The following COLEC11 variants were observed in gnomAD, a reference collection of about 807,000 sequenced individuals.
The protein encoded by COLEC11 is collectin subfamily member 11, also known as collectin-11.
A neutral mutation model predicts 27.3 loss-of-function variants in COLEC11; 20 were observed. The observed-to-expected ratio is 0.73, with a 90% confidence interval of 0.51 to 1.06. The LOEUF is 1.06. Ranked by LOEUF, COLEC11 falls within the 50% of genes least tolerant of loss-of-function variation. The pLI is 0.00. For missense variants in COLEC11, 310 were observed against 383.0 expected, an observed-to-expected ratio of 0.81 and a Z score of 1.59; for synonymous variants, 163 against 154.7, an observed-to-expected ratio of 1.05 and a Z score of -0.40.
At chr2:3,613,659 C>T (rs1459563775) in intron 3 of COLEC11, among the ~76,000 whole-genome samples, 3 of 152,164 alleles carry the variant, frequency 2.0e-5, no homozygotes, top group South Asian at 2.1e-4. Flanking sequence ...ATCTGTAAGA[C>T]GGGAATAACA....
At chr2:3,603,547 C>T in intron 1 of COLEC11, 1 of 1,129,854 alleles carries the variant, frequency 8.9e-7, no homozygotes, top group Non-Finnish European at 1.3e-6. Context: ...GAACTCCCGA[C>T]TTTAGGTGAT....
chr2:3,598,823 C>T (rs1040265390), intron 1 of COLEC11, among the ~76,000 whole-genome samples: 10 of 151,552 alleles, frequency 6.6e-5, no homozygotes, highest in Admixed American at 2.0e-4. Flanking sequence ...GAGTTGGGGC[C>T]GATTGTTCAA....
chr2:3,618,111 G>C (rs1046591840), intron 3 of COLEC11, among the ~76,000 whole-genome samples: 1 of 152,154 alleles, frequency 6.6e-6, no homozygotes, highest in African/African-American at 2.4e-5. Flanking sequence ...CAGATATATG[G>C]TTTGCAAATA....
chr2:3,606,275 G>A, intron 2 of COLEC11: 6 of 1,536,532 alleles, frequency 3.9e-6, no homozygotes, highest in Non-Finnish European at 5.3e-6. Flanking sequence ...GGGCCGTGGG[G>A]TGGGCTCCAG....
At chr2:3,599,502 T>C (rs1052283087) in intron 1 of COLEC11, among the ~76,000 whole-genome samples, 9 of 152,180 alleles carry the variant, frequency 5.9e-5, no homozygotes, top group Non-Finnish European at 1.3e-4. Context: ...GGAGCTGCCA[T>C]TTGGTGAGCA....
At chr2:3,622,230 A>C (rs1333298202) in intron 3 of COLEC11, among the ~76,000 whole-genome samples, 1 of 151,592 alleles carries the variant, frequency 6.6e-6, no homozygotes, top group Non-Finnish European at 1.5e-5. Flanking sequence ...GTCTCGGCTG[A>C]GGCAGGAGGA....
At chr2:3,613,976 C>CTTTTTTTTTTTTTTTTT (rs1461288131) in intron 3 of COLEC11, among the ~76,000 whole-genome samples, 8 of 91,320 alleles carry the variant, frequency 8.8e-5, no homozygotes, top group African/African-American at 2.4e-4. Flanking sequence ...TTCTTTCTTT[C>CTTTTTTTTTTTTTTTTT]TTTCTTTTTT....
intron 1 of COLEC11, among the ~76,000 whole-genome samples, chr2:3,596,950 G>A (rs1572372803): frequency 6.6e-6 from 1 of 152,242 alleles, no homozygotes; most frequent in East Asian, 1.9e-4. Flanking sequence ...GTCTGAGAGC[G>A]CCCCGCTGCA....
chr2:3,625,977 G>T, intron 3 of COLEC11: 2 of 1,555,092 alleles, frequency 1.3e-6, no homozygotes, highest in South Asian at 2.2e-5. Flanking sequence ...GAGTTGTCAG[G>T]CAGGGATAGT....
chr2:3,603,181 A>G (rs1039323517), intron 1 of COLEC11, among the ~76,000 whole-genome samples: 10 of 152,152 alleles, frequency 6.6e-5, no homozygotes, highest in Non-Finnish European at 1.5e-4. Flanking sequence ...GCTGTGCTCC[A>G]GGGCTGCTGT....
At chr2:3,595,657 G>A (rs2147834361) in intron 1 of COLEC11, among the ~76,000 whole-genome samples, 1 of 152,274 alleles carries the variant, frequency 6.6e-6, no homozygotes, top group Non-Finnish European at 1.5e-5. Flanking sequence ...GGGGAAAGGT[G>A]GGCCTTGCTT....
chr2:3,609,875 G>C (rs1663054929), intron 2 of COLEC11, among the ~76,000 whole-genome samples: 2 of 152,180 alleles, frequency 1.3e-5, no homozygotes, highest in Admixed American at 1.3e-4. Flanking sequence ...TGTTGCCCAG[G>C]CTGGTCTCAA....
chr2:3,602,545 A>G lies in COLEC11; in HGVS notation c.-26-1770A>G, dbSNP rs1662307493. Among the ~76,000 whole-genome samples the G allele has an allele frequency of 6.6e-6, 1 of 152,188 alleles. No individual in the cohort carries two copies. The highest frequency in any genetic ancestry group is 2.1e-4 in the South Asian group (1 of 4,828). On this transcript the variant is annotated intron_variant, in intron 1 of 6. Coordinates refer to ENST00000349077, the MANE Select transcript of COLEC11 (RefSeq NM_024027.5). This position sits in a 1 kb window ranked among gnomAD's most constrained non-coding sequence, Gnocchi z 6.2. Reference sequence around the variant, plus strand: ...TCACCTCCACCCACACGTGGGGTCCAGCTGCCATCCTCGCCCGCTGTGCTG... The same window carrying G: ...TCACCTCCACCCACACGTGGGGTCCGGCTGCCATCCTCGCCCGCTGTGCTG...
rs991000418 is a variant in COLEC11 at position 3,618,694 on chromosome 2, A to AT, written c.202+5321dup. On this transcript the variant is annotated intron_variant, in intron 3 of 6. Transcript: ENST00000349077. ...TTTATGGTTTTACATGAATTTTAGG[A>AT]TTTTTTTTTCCATTTCTCTGAAAAG... 7.3e-5 allele frequency among the ~76,000 whole-genome samples: 11 copies of AT among 151,602 alleles called. No homozygotes were observed. In the East Asian group the frequency reaches 1.4e-3, roughly 19 times the overall value.
intron 3 of COLEC11, among the ~76,000 whole-genome samples, chr2:3,633,643 C>T (rs115404927): frequency 1.8e-3 from 269 of 152,230 alleles, no homozygotes; most frequent in African/African-American, 6.2e-3. Context: ...GACGGGGGAG[C>T]GGCGTGAAGA....
At chr2:3,620,531 T>G (rs997817674) in intron 3 of COLEC11, among the ~76,000 whole-genome samples, 1 of 152,120 alleles carries the variant, frequency 6.6e-6, no homozygotes, top group African/African-American at 2.4e-5. Context: ...GCTTTTCTAG[T>G]CTCTCTTTGA....
At chr2:3,607,649 A>G (rs1255046769) in intron 2 of COLEC11, among the ~76,000 whole-genome samples, 2 of 151,980 alleles carry the variant, frequency 1.3e-5, no homozygotes, top group African/African-American at 4.8e-5. Flanking sequence ...GGGTTTCACC[A>G]TGTTATCCAG....
intron 3 of COLEC11, among the ~76,000 whole-genome samples, chr2:3,619,901 C>G (rs1266110002): frequency 1.3e-5 from 2 of 152,220 alleles, no homozygotes; most frequent in Admixed American, 1.3e-4. Flanking sequence ...GCTGGGATTA[C>G]AAGCATGAGC....
chr2:3,633,092 A>C (rs764041868), intron 3 of COLEC11, among the ~76,000 whole-genome samples: 6 of 152,204 alleles, frequency 3.9e-5, no homozygotes, highest in Admixed American at 2.6e-4. Flanking sequence ...GGACAGTGAC[A>C]GGGAGAGAGA....
Sources: gnomAD v4.1 joint callset for allele counts (sites outside exome capture counted in the v4.1 genomes callset) on GRCh38, gnomAD v4.1.1 for gene constraint, Gnocchi (gnomAD v3.1) non-coding constraint, MANE v1.5 for transcripts, NCBI Gene and HGNC (gene_info 2026-07-23, HGNC 2026-07-21) for gene names.